Variants in LGR5 observed in about 807,000 individuals in gnomAD.
LGR5 encodes the protein leucine-rich repeat-containing G protein-coupled receptor 5.
LGR5 carries 54 observed loss-of-function variants against 76.7 expected under a neutral mutation model. The ratio of observed to expected loss-of-function variants is 0.70; its 90% CI spans 0.57 to 0.88. The LOEUF is 0.88. LGR5 is among the 40% of genes least tolerant of loss of function. The pLI is 0.00. For missense variants in LGR5, 1,078 were observed against 1,073.3 expected (o/e 1.00, Z -0.06); for synonymous variants, 406 against 421.9 (o/e 0.96, Z 0.46).
At chr12:71,574,250 C>T (rs979546442) in intron 13 of LGR5, among the ~76,000 whole-genome samples, 9 of 124,702 alleles carry the variant, frequency 7.2e-5, no homozygotes, top group Non-Finnish European at 1.3e-4. Flanking sequence ...TTGCAGTGAG[C>T]CGAGATCACG....
At chr12:71,524,365 G>A in intron 2 of LGR5, 41 bp from the exon 3 acceptor site, 1 of 1,390,224 alleles carries the variant, frequency 7.2e-7, no homozygotes, top group Non-Finnish European at 1.0e-6. Flanking sequence ...TCCACATGAA[G>A]AGGTATGCTC....
chr12:71,458,196 T>A (rs1181647206), intron 1 of LGR5, among the ~76,000 whole-genome samples: 2 of 152,168 alleles, frequency 1.3e-5, no homozygotes, highest in Non-Finnish European at 2.9e-5. Context: ...AGATATGGTA[T>A]CTGTAACCCT....
chr12:71,449,366 G>A (rs1174396776), intron 1 of LGR5, among the ~76,000 whole-genome samples: 1 of 152,198 alleles, frequency 6.6e-6, no homozygotes, highest in African/African-American at 2.4e-5. Context: ...AGCAGCTGTT[G>A]TTCTCTGGGA....
chr12:71,535,919 A>G (rs1172477669), intron 4 of LGR5, among the ~76,000 whole-genome samples: 1 of 152,198 alleles, frequency 6.6e-6, no homozygotes, highest in African/African-American at 2.4e-5. Flanking sequence ...ACAAAAGAAC[A>G]TTCTCCCAGC....
intron 11 of LGR5, among the ~76,000 whole-genome samples, chr12:71,568,566 C>G (rs1011732397): frequency 1.3e-5 from 2 of 152,130 alleles, no homozygotes; most frequent in African/African-American, 4.8e-5. Context: ...GTAGATCTTG[C>G]CATTTTCAAA....
chr12:71,520,260 G>A (rs1054800110), intron 2 of LGR5, among the ~76,000 whole-genome samples: 3 of 152,122 alleles, frequency 2.0e-5, no homozygotes, highest in South Asian at 4.1e-4. Flanking sequence ...AACATGGTTG[G>A]ACACTGAAAA....
At chr12:71,535,006 T>C in intron 3 of LGR5, 109 bp from the exon 4 acceptor site, 2 of 653,740 alleles carry the variant, frequency 3.1e-6, no homozygotes, top group South Asian at 3.9e-5. Context: ...GACAAGACTT[T>C]GTCTGATGCT....
intron 13 of LGR5, among the ~76,000 whole-genome samples, chr12:71,573,495 A>G (rs1171423690): frequency 6.6e-6 from 1 of 151,976 alleles, no homozygotes; most frequent in Admixed American, 6.5e-5. Context: ...ACTTGTATTT[A>G]ATTCCATTTT....
At chr12:71,576,477 A>G (rs1878860796) in intron 13 of LGR5, among the ~76,000 whole-genome samples, 1 of 152,040 alleles carries the variant, frequency 6.6e-6, no homozygotes, top group South Asian at 2.1e-4. Flanking sequence ...GGAAGAGAAG[A>G]CCATGAGGGC....
At chr12:71,467,840 A>G (rs1295415975) in intron 1 of LGR5, among the ~76,000 whole-genome samples, 3 of 152,166 alleles carry the variant, frequency 2.0e-5, no homozygotes, top group Non-Finnish European at 4.4e-5. Context: ...TGAAAATCCA[A>G]AGTATTTTAT....
chr12:71,440,517 C>A lies in LGR5; in HGVS notation c.212+225C>A, dbSNP rs975113049. ...ACCCGCAGAGAAATGGCTTCGAGTG[C>A]AACCCGGGAAAGCGCTGCTGCGCCG... On this transcript the variant is annotated intron_variant, in intron 1 of 17. Coordinates refer to ENST00000266674, the MANE Select transcript of LGR5 (RefSeq NM_003667.4). The surrounding 1 kb of genome is among the most constrained non-coding windows in gnomAD (Gnocchi z 5.3). Among the ~76,000 whole-genome samples, 2 of 152,208 alleles carry A rather than the reference C, an allele frequency of 1.3e-5. No individual in the cohort carries two copies. Among genetic ancestry groups the A allele is most frequent in the Non-Finnish European group, 2.9e-5 (2 of 68,034 alleles).
intron 3 of LGR5, among the ~76,000 whole-genome samples, chr12:71,533,363 T>TAAATAAATAAA (rs1491336848): frequency 2.6e-5 from 4 of 152,036 alleles, no homozygotes; most frequent in African/African-American, 9.6e-5. Context: ...AAATAAATAA[T>TAAATAAATAAA]TAAATAACTA....
At position 71,584,446 on chromosome 12, in the gene LGR5, T is replaced by G; in HGVS notation, c.2436T>G (p.Pro812=). Residue 812 remains proline, a synonymous_variant, in exon 18 of 18, where the codon CCT becomes CCG. Coordinates refer to ENST00000266674, the MANE Select transcript of LGR5 (RefSeq NM_003667.4). ...TCCTTCTGGTGGTAGTCCCACTTCC[T>G]GCATGTCTCAATCCCCTTCTCTACA... The part of the protein sequence containing the change: ...KFILLVVVPL[P]ACLNPLLYIL... The G allele has an allele frequency of 6.2e-7, 1 of 1,614,204 alleles. No individual in the cohort carries two copies. The highest frequency in any genetic ancestry group is 2.2e-5 in the East Asian group (1 of 44,884).
In LGR5 at chr12:71,556,501, T is replaced by C. The variant is rs576211518; in HGVS notation, c.645-118T>C. On this transcript the variant is annotated intron_variant, in intron 5 of 17. Transcript: ENST00000266674. ...ATGCAGCATATAGCCATTTTTTACA[T>C]TGGCTTCTTATAAGTAGTGCATTCT... 9.5e-5 allele frequency: 68 copies of C among 714,168 alleles called. 1 individual carries two copies. The highest frequency in any genetic ancestry group is 6.5e-4 in the African/African-American group (37 of 56,568). The allele number at this position is 714,168 out of a possible 1,614,324, so 44.2% of individuals were successfully genotyped here. A position where few individuals can be genotyped will look rare whatever the true frequency, so the allele number is the denominator to read the frequency against.
intron 13 of LGR5, among the ~76,000 whole-genome samples, chr12:71,573,439 T>G (rs1878705928): frequency 6.6e-6 from 1 of 152,252 alleles, no homozygotes. Flanking sequence ...TGAACACAGC[T>G]GTTCTAGAAT....
chr12:71,442,729 C>T (rs1400271013), intron 1 of LGR5, among the ~76,000 whole-genome samples: 1 of 152,170 alleles, frequency 6.6e-6, no homozygotes, highest in Non-Finnish European at 1.5e-5. Flanking sequence ...TTTCTTACAA[C>T]CAGAGGAACG....
At chr12:71,547,674 A>G (rs1188747559) in intron 4 of LGR5, among the ~76,000 whole-genome samples, 1 of 152,184 alleles carries the variant, frequency 6.6e-6, no homozygotes, top group Non-Finnish European at 1.5e-5. Context: ...GAATTAAATG[A>G]CAGTATCTTG....
chr12:71,448,084 A>AC (rs1872091735), intron 1 of LGR5, among the ~76,000 whole-genome samples: 4 of 145,680 alleles, frequency 2.7e-5, no homozygotes, highest in African/African-American at 1.0e-4. Flanking sequence ...CACACACACA[A>AC]ACACACACAC....
chr12:71,546,677 T>G (rs894641734), intron 4 of LGR5, among the ~76,000 whole-genome samples: 3 of 152,078 alleles, frequency 2.0e-5, no homozygotes, highest in African/African-American at 7.2e-5. Context: ...GTAATGTACT[T>G]TCCCACTAGG....
Sources: allele counts gnomAD v4.1 joint callset (sites outside exome capture counted in the v4.1 genomes callset), GRCh38; gene constraint gnomAD v4.1.1; non-coding constraint Gnocchi (gnomAD v3.1); transcripts MANE v1.5; gene names NCBI Gene and HGNC (gene_info 2026-07-23, HGNC 2026-07-21).